The following DOCK9 variants were observed in gnomAD, a reference collection of about 807,000 sequenced individuals.
DOCK9 encodes the protein dedicator of cytokinesis protein 9.
In DOCK9, 89 loss-of-function variants were observed where a neutral mutation model predicts 263.3. That is an observed-to-expected ratio of 0.34 (90% CI 0.28 to 0.40). DOCK9 has a LOEUF of 0.40. Ranked by LOEUF, DOCK9 falls within the 10% of genes least tolerant of loss-of-function variation. DOCK9 has a pLI of 1.00. For missense variants in DOCK9, 2,140 were observed against 2,603.4 expected, an observed-to-expected ratio of 0.82 and a Z score of 3.87; for synonymous variants, 976 against 973.1, an observed-to-expected ratio of 1.00 and a Z score of -0.06.
upstream of DOCK9, among the ~76,000 whole-genome samples, chr13:98,979,180 A>ATAG (rs56125832): frequency 0.25 from 32,583 of 132,438 alleles, 3,974 homozygotes; most frequent in East Asian, 0.39. Flanking sequence ...AGCAGCAGCA[A>ATAG]TAGTAGTAGT....
chr13:98,966,971 T>C (rs1046586420), intron 1 of DOCK9, among the ~76,000 whole-genome samples: 6 of 152,262 alleles, frequency 3.9e-5, no homozygotes, highest in African/African-American at 1.4e-4. Context: ...TGAGAAGCTC[T>C]GAGGTTGGGG....
intron 15 of DOCK9, among the ~76,000 whole-genome samples, chr13:98,893,465 T>C (rs1446440027): frequency 1.3e-5 from 2 of 152,208 alleles, no homozygotes; most frequent in African/African-American, 4.8e-5. Context: ...ACCAAGTCTC[T>C]CTTCTTATAA....
At chr13:98,946,432 C>G (rs1381201732) in intron 2 of DOCK9, among the ~76,000 whole-genome samples, 1 of 152,128 alleles carries the variant, frequency 6.6e-6, no homozygotes. Context: ...CACCCAAGCT[C>G]CCCCTGCCCC....
intron 14 of DOCK9, 113 bp from the exon 15 acceptor site, chr13:98,897,723 A>T: frequency 7.2e-7 from 1 of 1,389,130 alleles, no homozygotes. Flanking sequence ...GGCTATAGCC[A>T]ACAGAAATCT....
chr13:98,926,139 T>C (rs540880619), intron 3 of DOCK9, among the ~76,000 whole-genome samples: 1 of 152,316 alleles, frequency 6.6e-6, no homozygotes, highest in African/African-American at 2.4e-5. Context: ...CACTTTAAGT[T>C]ATCATCATTA....
intron 9 of DOCK9, among the ~76,000 whole-genome samples, chr13:98,909,836 C>T (rs2049726177): frequency 6.6e-6 from 1 of 152,222 alleles, no homozygotes; most frequent in South Asian, 2.1e-4. Flanking sequence ...GAGCATGGCC[C>T]TTGATCCTCA....
chr13:98,940,439 C>T (rs754023837), intron 2 of DOCK9, among the ~76,000 whole-genome samples: 32 of 152,214 alleles, frequency 2.1e-4, no homozygotes, highest in Non-Finnish European at 1.5e-4. Flanking sequence ...CGCTCTGTTG[C>T]CTAGGCTGGA....
intron 15 of DOCK9, among the ~76,000 whole-genome samples, chr13:98,896,727 G>A (rs1217609498): frequency 2.0e-5 from 3 of 152,326 alleles, no homozygotes; most frequent in African/African-American, 7.2e-5. Flanking sequence ...ACCCTCGGGT[G>A]AGACTGACTT....
At chr13:99,002,071 G>T (rs1882450466) in intron 1 of DOCK9, among the ~76,000 whole-genome samples, 1 of 152,128 alleles carries the variant, frequency 6.6e-6, no homozygotes. Flanking sequence ...ATGGGGCATG[G>T]GGCACTGTTA....
At chr13:98,972,085 A>G (rs2059791931) in intron 1 of DOCK9, among the ~76,000 whole-genome samples, 2 of 152,228 alleles carry the variant, frequency 1.3e-5, no homozygotes, top group Admixed American at 1.3e-4. Context: ...AACCTGACCC[A>G]AAGTCTACAA....
At chr13:99,043,070 C>T (rs977454911) in intron 1 of DOCK9, among the ~76,000 whole-genome samples, 4 of 152,166 alleles carry the variant, frequency 2.6e-5, no homozygotes, top group Admixed American at 2.6e-4. Flanking sequence ...GACACAGTCC[C>T]TTCTGAGTGG....
intron 1 of DOCK9, among the ~76,000 whole-genome samples, chr13:99,044,760 C>T (rs1888795201): frequency 6.6e-6 from 1 of 152,202 alleles, no homozygotes; most frequent in Non-Finnish European, 1.5e-5. Flanking sequence ...TCTCCCCAAA[C>T]TATAATACAG....
upstream of DOCK9, chr13:99,087,681 C>CGCGCCAGGCGGGGATTT (rs1051118038): frequency 1.3e-5 from 2 of 152,244 alleles, no homozygotes; most frequent in East Asian, 1.9e-4. Flanking sequence ...GCGGAGAGGG[C>CGCGCCAGGCGGGGATTT]GCGCCAGGCG....
intron 9 of DOCK9, among the ~76,000 whole-genome samples, chr13:98,905,197 G>C (rs933712582): frequency 9.2e-5 from 14 of 152,168 alleles, no homozygotes; most frequent in African/African-American, 3.1e-4. Context: ...TTTGAATGAT[G>C]AGATAGAGAA....
At chr13:99,026,217 A>G (rs186408741) in intron 1 of DOCK9, among the ~76,000 whole-genome samples, 1 of 152,322 alleles carries the variant, frequency 6.6e-6, no homozygotes, top group African/African-American at 2.4e-5. Flanking sequence ...TGATGGATGC[A>G]CAACTCTGAA....
intron 1 of DOCK9, among the ~76,000 whole-genome samples, chr13:98,957,923 G>A (rs1338323142): frequency 6.7e-6 from 1 of 148,272 alleles, no homozygotes; most frequent in East Asian, 2.2e-4. Context: ...GACAGCCCCA[G>A]CTGCCTGCAC....
chr13:98,912,172 T>TA (rs1472010201), intron 9 of DOCK9, among the ~76,000 whole-genome samples: 2 of 152,028 alleles, frequency 1.3e-5, no homozygotes, highest in Admixed American at 6.5e-5. Context: ...ATGCCCGACC[T>TA]AAAAAAAACT....
intron 41 of DOCK9, 131 bp downstream of exon 41, chr13:98,831,217 G>T: frequency 1.0e-6 from 1 of 987,982 alleles, no homozygotes; most frequent in Non-Finnish European, 1.4e-6. Context: ...CAGCAAACGT[G>T]GCTTCCCAGT....
intron 33 of DOCK9, chr13:98,858,560 T>C (rs1259696824): frequency 6.6e-6 from 1 of 152,148 alleles, no homozygotes; most frequent in African/African-American, 2.4e-5. Flanking sequence ...AAAAAACTAG[T>C]AAACCCAGTT....
Sources: gnomAD v4.1 joint callset for allele counts (sites outside exome capture counted in the v4.1 genomes callset) on GRCh38, gnomAD v4.1.1 for gene constraint, MANE v1.5 for transcripts, NCBI Gene and HGNC (gene_info 2026-07-23, HGNC 2026-07-21) for gene names.